The following NEK10 variants were observed in gnomAD, a reference collection of about 807,000 sequenced individuals.
The protein encoded by NEK10 is serine/threonine-protein kinase Nek10.
A neutral mutation model predicts 159.8 loss-of-function variants in NEK10; 122 were observed. The ratio of observed to expected loss-of-function variants is 0.76; its 90% CI spans 0.66 to 0.89. The LOEUF (loss-of-function observed/expected upper bound fraction) is 0.89, where lower values mean the gene tolerates loss of function less well. NEK10 is among the 40% of genes least tolerant of loss of function. The pLI is 0.00. For missense variants in NEK10, 1,342 were observed against 1,323.1 expected (o/e 1.01, Z -0.22); for synonymous variants, 466 against 457.1 (o/e 1.02, Z -0.25).
chr3:27,192,265 T>C, intron 25 of NEK10, 23 bp from the exon 26 acceptor site: 2 of 1,577,304 alleles, frequency 1.3e-6, no homozygotes. Flanking sequence ...GAGATAATTA[T>C]AACACTCTGG....
At chr3:27,212,310 A>G (rs1318097276) in intron 23 of NEK10, among the ~76,000 whole-genome samples, 1 of 152,264 alleles carries the variant, frequency 6.6e-6, no homozygotes, top group Non-Finnish European at 1.5e-5. Context: ...TTTAAGAATT[A>G]TAGATGTCTT....
At chr3:27,326,621 T>C (rs1191548006) in intron 5 of NEK10, among the ~76,000 whole-genome samples, 1 of 152,144 alleles carries the variant, frequency 6.6e-6, no homozygotes. Flanking sequence ...AAGAAGTGTA[T>C]ATAAATGAAG....
At chr3:27,338,565 G>A (rs187800600) in intron 5 of NEK10, among the ~76,000 whole-genome samples, 4 of 152,330 alleles carry the variant, frequency 2.6e-5, no homozygotes, top group Admixed American at 6.5e-5. Flanking sequence ...GTGTAAAAGT[G>A]TTCCTGTTTC....
intron 5 of NEK10, among the ~76,000 whole-genome samples, chr3:27,338,995 T>C (rs1204344830): frequency 1.3e-5 from 2 of 151,906 alleles, no homozygotes; most frequent in Admixed American, 1.3e-4. Flanking sequence ...ATCAAGAGAG[T>C]GAAGAGACAA....
In NEK10 at chr3:27,174,964, T is replaced by C. The variant is rs2148885544; in HGVS notation, c.2506-131A>G. 4.4e-6 allele frequency: 3 copies of C among 681,684 alleles called. No homozygotes were observed. In the East Asian group the frequency reaches 8.5e-5, roughly 19 times the overall value. The allele number at this position is 681,684 out of a possible 1,614,324, so 42.2% of individuals were successfully genotyped here. On this transcript the variant is annotated intron_variant, in intron 26 of 35. Transcript: ENST00000691995. ...ATGTTTGATGCAGAAGACGCATCAG[T>C]AGTTCCACCTATACACCTGTTACAG...
intron 30 of NEK10, among the ~76,000 whole-genome samples, chr3:27,151,588 A>T (rs1285748189): frequency 2.0e-5 from 3 of 152,158 alleles, no homozygotes; most frequent in Non-Finnish European, 4.4e-5. Context: ...TAATATGACA[A>T]AACAAGGCTC....
Position 27,116,113 on chromosome 3 carries a change from T to A in NEK10, c.3205A>T (p.Ile1069Phe). The A allele has an allele frequency of 6.2e-7, 1 of 1,613,558 alleles. No homozygotes were observed. Among genetic ancestry groups the A allele is most frequent in the East Asian group, 2.2e-5 (1 of 44,756 alleles). The change falls in exon 34 of 36, where the codon ATT (isoleucine) becomes TTT (phenylalanine). Residue 1069 changes from isoleucine (I) to phenylalanine (F), a missense_variant. By Grantham distance (21) the Ile-to-Phe change is conservative (BLOSUM62 0). Transcript: ENST00000691995. ...PNDPTGLPTS[I>F]ELEEGITYEQ... ...TATGTTATTCCTTCCTCCAATTCAA[T>A]GCTGGTTGGTAAACCTAAAAAAGAT...
chr3:27,159,558 T>C (rs1471700415), intron 30 of NEK10, among the ~76,000 whole-genome samples: 1 of 152,142 alleles, frequency 6.6e-6, no homozygotes, highest in African/African-American at 2.4e-5. Context: ...TTCATTCAGT[T>C]ATTCATATTA....
intron 1 of NEK10, chr3:27,368,987 T>C (rs1004301575): frequency 1.3e-5 from 2 of 152,400 alleles, no homozygotes; most frequent in African/African-American, 4.8e-5. Context: ...AGAAGCATCG[T>C]TGATGGCGCT....
intron 24 of NEK10, among the ~76,000 whole-genome samples, 166 bp from the exon 25 acceptor site, chr3:27,201,746 G>A (rs1424011297): frequency 1.3e-5 from 2 of 152,140 alleles, no homozygotes; most frequent in East Asian, 1.9e-4. Flanking sequence ...CAATTAAACA[G>A]CTCTTGAACT....
At chr3:27,225,140 T>G (rs1171339800) in intron 23 of NEK10, among the ~76,000 whole-genome samples, 1 of 152,134 alleles carries the variant, frequency 6.6e-6, no homozygotes, top group East Asian at 1.9e-4. Flanking sequence ...TGGAGTCCAG[T>G]GTTCAAGGGC....
intron 5 of NEK10, 99 bp downstream of exon 5, chr3:27,344,173 T>G (rs2047389700): frequency 1.7e-6 from 1 of 588,940 alleles, no homozygotes; most frequent in Non-Finnish European, 3.0e-6. Context: ...TTTAATGACA[T>G]GTTCAATCCT....
intron 25 of NEK10, among the ~76,000 whole-genome samples, chr3:27,192,910 T>C (rs1261164220): frequency 6.6e-6 from 1 of 152,194 alleles, no homozygotes; most frequent in East Asian, 1.9e-4. Context: ...TTTAGCATCA[T>C]AACTCAGCAT....
At chr3:27,348,087 G>A (rs1398963811) in intron 3 of NEK10, among the ~76,000 whole-genome samples, 2 of 152,068 alleles carry the variant, frequency 1.3e-5, no homozygotes, top group African/African-American at 2.4e-5. Flanking sequence ...TACAAATTAG[G>A]TGATTTCTGA....
intron 6 of NEK10, among the ~76,000 whole-genome samples, chr3:27,317,850 T>G (rs1161101107): frequency 6.6e-6 from 1 of 152,098 alleles, no homozygotes; most frequent in Non-Finnish European, 1.5e-5. Context: ...TTGCCCAGGC[T>G]GGAGTGCAGT....
At chr3:27,297,489 C>T (rs1008766121) in intron 13 of NEK10, among the ~76,000 whole-genome samples, 13 of 152,198 alleles carry the variant, frequency 8.5e-5, no homozygotes, top group Non-Finnish European at 1.8e-4. Context: ...TTATTGAGCA[C>T]TTTCTTCGTA....
intron 22 of NEK10, among the ~76,000 whole-genome samples, chr3:27,270,125 A>G (rs947634001): frequency 1.3e-5 from 2 of 152,300 alleles, no homozygotes; most frequent in East Asian, 3.9e-4. Context: ...ATGAGATGTT[A>G]CTTCCAAGGT....
At chr3:27,136,103 ATTTTTTTTTTT>A (rs775843715) in intron 31 of NEK10, among the ~76,000 whole-genome samples, 4 of 60,680 alleles carry the variant, frequency 6.6e-5, no homozygotes, top group Non-Finnish European at 9.4e-5. Context: ...TAGGAGATCG[ATTTTTTTTTTT>A]TTTTTTTTTT....
intron 23 of NEK10, among the ~76,000 whole-genome samples, chr3:27,231,049 T>G (rs989635946): frequency 2.0e-5 from 3 of 151,980 alleles, no homozygotes; most frequent in Non-Finnish European, 2.9e-5. Flanking sequence ...TCCCAACAAC[T>G]GCAGAATATA....
Sources: allele counts gnomAD v4.1 joint callset (sites outside exome capture counted in the v4.1 genomes callset), GRCh38; gene constraint gnomAD v4.1.1; transcripts MANE v1.5; gene names NCBI Gene and HGNC (gene_info 2026-07-23, HGNC 2026-07-21).